GPR158: variants seen among roughly 807,000 people sequenced by gnomAD.
GPR158 encodes the protein G protein-coupled receptor 158.
Under a neutral mutation model 78.2 loss-of-function variants are expected in GPR158, and 30 were observed. The observed-to-expected ratio is 0.38, with a 90% CI of 0.29 to 0.52. The LOEUF (loss-of-function observed/expected upper bound fraction) is 0.52. Ranked by LOEUF, GPR158 falls within the 20% of genes least tolerant of loss-of-function variation. The pLI, the probability that GPR158 is intolerant of heterozygous loss-of-function variation, is 0.83. For missense variants in GPR158, 1,463 were observed against 1,523.5 expected, an observed-to-expected ratio of 0.96 and a Z score of 0.66; for synonymous variants, 581 against 591.1, an observed-to-expected ratio of 0.98 and a Z score of 0.25.
In GPR158 at chr10:25,430,706, C is replaced by T. The variant is rs1337878389; in HGVS notation, c.1335+18233C>T. On this transcript the variant is annotated intron_variant, in intron 4 of 10. Transcript: ENST00000376351. ...AGAACAGAGCCCTCAGAAATAATGC[C>T]GCATACCTACAACTATCTGATCTTT... is the stretch of plus-strand genomic sequence containing the variant. 7.2e-3 allele frequency among the ~76,000 whole-genome samples: 965 copies of T among 134,766 alleles called. 7 individuals are homozygous for T. Among genetic ancestry groups the T allele is most frequent in the African/African-American group, 0.026 (916 of 35,496 alleles). 88.4% of individuals were successfully genotyped at this position (134,766 alleles called of 152,430 possible).
chr10:25,443,839 T>A (rs1157380080), intron 4 of GPR158, among the ~76,000 whole-genome samples: 3 of 152,060 alleles, frequency 2.0e-5, no homozygotes, highest in Non-Finnish European at 4.4e-5. Context: ...CTGTTTCTTC[T>A]ACAGATCTTT....
rs1834775420 is a variant in GPR158 at position 25,423,128 on chromosome 10, T to TGTATACGTATATAC, written c.1335+10660_1335+10661insCGTATATACGTATA. Among the ~76,000 whole-genome samples the TGTATACGTATATAC allele has an allele frequency of 9.9e-5, 14 of 140,704 alleles. No homozygotes were observed. In the South Asian group the frequency reaches 3.4e-3, roughly 34 times the overall value. The allele number at this position is 140,704 out of a possible 152,430, so 92.3% of individuals were successfully genotyped here. A position where few individuals can be genotyped will look rare whatever the true frequency, so the allele number is the denominator to read the frequency against. ...ATGTCTACACATATATACATATATA[T>TGTATACGTATATAC]GTATATACATATACATATATATGTA... On this transcript the variant is annotated intron_variant, in intron 4 of 10. Transcript: ENST00000376351.
chr10:25,288,708 A>G (rs1854389076), intron 2 of GPR158, among the ~76,000 whole-genome samples: 1 of 152,192 alleles, frequency 6.6e-6, no homozygotes, highest in African/African-American at 2.4e-5. Context: ...CAAAGTAAAT[A>G]TCTGTAGTTG....
chr10:25,215,588 A>T (rs913303622), intron 1 of GPR158, among the ~76,000 whole-genome samples: 1 of 152,246 alleles, frequency 6.6e-6, no homozygotes, highest in South Asian at 2.1e-4. Flanking sequence ...CAATCCTAGC[A>T]CTTTGGGAGG....
At chr10:25,508,162 T>A (rs184104196) in intron 5 of GPR158, among the ~76,000 whole-genome samples, 46 of 152,316 alleles carry the variant, frequency 3.0e-4, no homozygotes, top group East Asian at 9.7e-4. Context: ...TTATTTATTT[T>A]TTTTGTAACT....
intron 2 of GPR158, chr10:25,393,941 C>T (rs536925242): frequency 6.6e-6 from 1 of 152,280 alleles, no homozygotes; most frequent in African/African-American, 2.4e-5. Flanking sequence ...AAATGATTCA[C>T]AAATTATACA....
intron 2 of GPR158, among the ~76,000 whole-genome samples, chr10:25,314,874 T>TAC (rs1854826025): frequency 8.1e-6 from 1 of 123,376 alleles, no homozygotes; most frequent in Admixed American, 8.0e-5. Flanking sequence ...TATATATATA[T>TAC]ATATATATAT....
At chr10:25,341,961 T>C (rs1195665831) in intron 2 of GPR158, among the ~76,000 whole-genome samples, 1 of 152,046 alleles carries the variant, frequency 6.6e-6, no homozygotes, top group East Asian at 1.9e-4. Flanking sequence ...TTTCTCTCTC[T>C]ATAACTGGCT....
At chr10:25,199,455 C>T (rs1296372016) in intron 1 of GPR158, among the ~76,000 whole-genome samples, 1 of 152,140 alleles carries the variant, frequency 6.6e-6, no homozygotes, top group African/African-American at 2.4e-5. Context: ...CCAGCTCCAT[C>T]CATGTTGCTG....
intron 2 of GPR158, among the ~76,000 whole-genome samples, chr10:25,375,699 G>C (rs182848079): frequency 4.6e-4 from 70 of 151,250 alleles, no homozygotes; most frequent in Admixed American, 1.2e-3. Flanking sequence ...AAATTAGTTG[G>C]GCATATTTTC....
At chr10:25,181,444 T>G (rs535713044) in intron 1 of GPR158, among the ~76,000 whole-genome samples, 116 of 152,346 alleles carry the variant, frequency 7.6e-4, no homozygotes, top group African/African-American at 2.7e-3. Context: ...ATTTGACTTA[T>G]AGTAATTTGT....
intron 5 of GPR158, among the ~76,000 whole-genome samples, chr10:25,497,553 A>C (rs1316082855): frequency 2.0e-5 from 3 of 152,076 alleles, no homozygotes; most frequent in Non-Finnish European, 2.9e-5. Context: ...AGATTGGAAC[A>C]AGTATGTGTA....
At chr10:25,380,245 A>C (rs574815613) in intron 2 of GPR158, among the ~76,000 whole-genome samples, 5 of 152,188 alleles carry the variant, frequency 3.3e-5, no homozygotes, top group African/African-American at 1.2e-4. Flanking sequence ...CTCATCCTAT[A>C]CCTGTCTCCC....
intron 4 of GPR158, among the ~76,000 whole-genome samples, chr10:25,463,808 T>C (rs1217796195): frequency 6.6e-6 from 1 of 152,184 alleles, no homozygotes; most frequent in Non-Finnish European, 1.5e-5. Context: ...TTTGAACTTG[T>C]CAATGTATTA....
At chr10:25,436,302 A>T (rs1050448970) in intron 4 of GPR158, among the ~76,000 whole-genome samples, 1 of 152,218 alleles carries the variant, frequency 6.6e-6, no homozygotes, top group Non-Finnish European at 1.5e-5. Flanking sequence ...TAACCTGTCT[A>T]TGAGAAATCC....
chr10:25,573,472 G>A (rs1479864714), intron 7 of GPR158, among the ~76,000 whole-genome samples: 1 of 152,212 alleles, frequency 6.6e-6, no homozygotes, highest in Non-Finnish European at 1.5e-5. Context: ...CTACGTGGCT[G>A]AGAACCTGGA....
At position 25,600,538 on chromosome 10, in the gene GPR158, T is replaced by C. The variant is rs1221879103; in HGVS notation, c.*1264T>C. ...TCATTGTATGGATATATTTTTATTA[T>C]GTGTACTGAAAATACAGTATTTTAA... On this transcript the variant is annotated 3_prime_UTR_variant, in exon 11 of 11. Transcript: ENST00000376351. The C allele has an allele frequency of 6.6e-6, 1 of 152,412 alleles. No homozygotes were observed. The highest frequency in any genetic ancestry group is 1.5e-5 in the Non-Finnish European group (1 of 68,046). The allele number at this position is 152,412 out of a possible 1,614,324, so 9.4% of individuals were successfully genotyped here.
At chr10:25,345,419 C>A (rs1341847994) in intron 2 of GPR158, among the ~76,000 whole-genome samples, 1 of 151,864 alleles carries the variant, frequency 6.6e-6, no homozygotes, top group Non-Finnish European at 1.5e-5. Context: ...GATTCTAAAC[C>A]TAAGTCTGAA....
intron 2 of GPR158, among the ~76,000 whole-genome samples, chr10:25,372,333 T>C (rs1347022101): frequency 6.6e-6 from 1 of 151,788 alleles, no homozygotes; most frequent in Non-Finnish European, 1.5e-5. Flanking sequence ...AGAAATACCA[T>C]TTGACCCAGC....
Sources: allele counts gnomAD v4.1 joint callset (sites outside exome capture counted in the v4.1 genomes callset), GRCh38; gene constraint gnomAD v4.1.1; transcripts MANE v1.5; gene names NCBI Gene and HGNC (gene_info 2026-07-23, HGNC 2026-07-21).